Variants in TBC1D22B observed in about 807,000 individuals in gnomAD.
The protein encoded by TBC1D22B is TBC1 domain family member 22B.
TBC1D22B carries 32 observed loss-of-function variants against 69.1 expected under a neutral mutation model. That is an observed-to-expected ratio of 0.46 (90% CI 0.35 to 0.62). TBC1D22B has a LOEUF of 0.62. Ranked by LOEUF, TBC1D22B falls within the 20% of genes least tolerant of loss-of-function variation. The pLI is 0.00. For missense variants in TBC1D22B, 462 were observed against 630.9 expected, an observed-to-expected ratio of 0.73 and a Z score of 2.87; for synonymous variants, 206 against 229.8, an observed-to-expected ratio of 0.90 and a Z score of 0.94.
intron 12 of TBC1D22B, among the ~76,000 whole-genome samples, chr6:37,318,709 G>A (rs1236072149): frequency 1.3e-5 from 2 of 152,124 alleles, no homozygotes; most frequent in Non-Finnish European, 2.9e-5. Flanking sequence ...CTGGGTGGGG[G>A]TGCTTCAGAG....
At chr6:37,300,685 T>TA (rs555778617) in intron 8 of TBC1D22B, among the ~76,000 whole-genome samples, 1 of 152,052 alleles carries the variant, frequency 6.6e-6, no homozygotes, top group Non-Finnish European at 1.5e-5. Flanking sequence ...AGTGGCTTTT[T>TA]AAAAAAAATT....
chr6:37,264,214 A>C (rs2113971657), intron 1 of TBC1D22B, among the ~76,000 whole-genome samples: 1 of 152,350 alleles, frequency 6.6e-6, no homozygotes, highest in South Asian at 2.1e-4. Flanking sequence ...ACATACATAG[A>C]AAATAAAAAT....
At chr6:37,294,904 T>C (rs1300739472) in intron 8 of TBC1D22B, among the ~76,000 whole-genome samples, 1 of 152,236 alleles carries the variant, frequency 6.6e-6, no homozygotes, top group African/African-American at 2.4e-5. Flanking sequence ...TTTCAACTTA[T>C]GAGTCTTATT....
chr6:37,331,375 C>T lies in TBC1D22B; in HGVS notation c.*203C>T, dbSNP rs940632353. The T allele has an allele frequency of 9.2e-6, 5 of 541,240 alleles. No homozygotes were observed. The highest frequency in any genetic ancestry group is 3.2e-5 in the Admixed American group (1 of 31,660). The allele number at this position is 541,240 out of a possible 1,614,324, so 33.5% of individuals were successfully genotyped here. ...TTGGACCACTGTCAGTATTCCATGC[C>T]GCGTGGATGGGCCCAGTTCTGGGAG... is the stretch of plus-strand genomic sequence containing the variant. On this transcript the variant is annotated 3_prime_UTR_variant, in exon 13 of 13. Transcript: ENST00000373491.
At chr6:37,314,155 G>T (rs753398703) in intron 10 of TBC1D22B, among the ~76,000 whole-genome samples, 2 of 152,042 alleles carry the variant, frequency 1.3e-5, no homozygotes, top group African/African-American at 2.4e-5. Context: ...TCTTCAGTAC[G>T]CCCGTTCCCC....
chr6:37,319,083 CTATT>C (rs958364046), intron 12 of TBC1D22B, among the ~76,000 whole-genome samples: 5 of 152,228 alleles, frequency 3.3e-5, no homozygotes, highest in Middle Eastern at 3.4e-3. Flanking sequence ...GAACAGAAGA[CTATT>C]TAGTAGATAG....
At chr6:37,319,533 T>C (rs1027049651) in intron 12 of TBC1D22B, among the ~76,000 whole-genome samples, 1 of 152,214 alleles carries the variant, frequency 6.6e-6, no homozygotes, top group Admixed American at 6.5e-5. Context: ...CCTAGAGATA[T>C]TCTTTACTGG....
At chr6:37,296,411 A>G (rs1412786311) in intron 8 of TBC1D22B, among the ~76,000 whole-genome samples, 1 of 152,214 alleles carries the variant, frequency 6.6e-6, no homozygotes, top group Non-Finnish European at 1.5e-5. Flanking sequence ...GTGCAGTGGC[A>G]TGATCATGGC....
intron 8 of TBC1D22B, among the ~76,000 whole-genome samples, chr6:37,293,660 C>G (rs537410583): frequency 2.0e-5 from 3 of 152,164 alleles, no homozygotes; most frequent in Non-Finnish European, 4.4e-5. Flanking sequence ...TTACATGTCT[C>G]TCACTTTAAA....
intron 8 of TBC1D22B, among the ~76,000 whole-genome samples, chr6:37,312,480 G>A (rs900714847): frequency 2.6e-5 from 4 of 152,126 alleles, no homozygotes; most frequent in African/African-American, 7.2e-5. Context: ...AAACTGTGGG[G>A]GCTTTCTGAT....
At chr6:37,329,009 G>A (rs1193201741) in intron 12 of TBC1D22B, among the ~76,000 whole-genome samples, 2 of 151,680 alleles carry the variant, frequency 1.3e-5, no homozygotes. Flanking sequence ...TTACAGGCAT[G>A]AGCCACTGCG....
intron 8 of TBC1D22B, among the ~76,000 whole-genome samples, chr6:37,293,356 C>T (rs1452338017): frequency 6.6e-6 from 1 of 152,140 alleles, no homozygotes; most frequent in Non-Finnish European, 1.5e-5. Flanking sequence ...GGATTACAGG[C>T]ATCAGCCACC....
At chr6:37,320,364 C>T (rs1376624195) in intron 12 of TBC1D22B, among the ~76,000 whole-genome samples, 1 of 152,034 alleles carries the variant, frequency 6.6e-6, no homozygotes. Flanking sequence ...ATAAATGGGG[C>T]AATAGTACCT....
chr6:37,296,416 C>T (rs1459070836), intron 8 of TBC1D22B, among the ~76,000 whole-genome samples: 2 of 152,214 alleles, frequency 1.3e-5, no homozygotes, highest in African/African-American at 2.4e-5. Context: ...GTGGCATGAT[C>T]ATGGCTCATT....
At chr6:37,319,606 G>C (rs1266807342) in intron 12 of TBC1D22B, among the ~76,000 whole-genome samples, 3 of 152,194 alleles carry the variant, frequency 2.0e-5, no homozygotes, top group Non-Finnish European at 4.4e-5. Context: ...GAACAGCATT[G>C]GAGGCTATTG....
At chr6:37,304,730 C>G (rs1017874929) in intron 8 of TBC1D22B, among the ~76,000 whole-genome samples, 3 of 152,026 alleles carry the variant, frequency 2.0e-5, no homozygotes, top group African/African-American at 7.2e-5. Context: ...AAACATGTGT[C>G]AAGACTCATA....
rs1202124214 is a variant in TBC1D22B, at chr6:37,313,996, C to G, written c.1165+105C>G. On this transcript the variant is annotated intron_variant, in intron 10 of 12. Transcript: ENST00000373491. The stretch of plus-strand genomic sequence containing the variant: ...CCTCAGCTGTCTTCCTAGCCATGAC[C>G]CTTTCCAGCGCACTGAGTGCTGCTG... 7.6e-6 allele frequency: 8 copies of G among 1,046,178 alleles called. No individual in the cohort carries two copies. The Admixed American group carries it at 1.5e-4, about 19-fold the overall frequency. 64.8% of individuals were successfully genotyped at this position (1,046,178 alleles called of 1,614,324 possible).
chr6:37,290,240 A>G (rs1028094740), intron 7 of TBC1D22B, among the ~76,000 whole-genome samples: 1 of 152,080 alleles, frequency 6.6e-6, no homozygotes. Flanking sequence ...CCAAGTCCAC[A>G]TGCTTTCTAA....
intron 8 of TBC1D22B, 52 bp downstream of exon 8, chr6:37,291,409 C>T (rs986304039): frequency 2.2e-5 from 29 of 1,307,180 alleles, no homozygotes; most frequent in African/African-American, 4.5e-5. Flanking sequence ...TCTTATCTGC[C>T]GTCTGTCTGT....
Sources: allele counts gnomAD v4.1 joint callset (sites outside exome capture counted in the v4.1 genomes callset), GRCh38; gene constraint gnomAD v4.1.1; transcripts MANE v1.5; gene names NCBI Gene and HGNC (gene_info 2026-07-23, HGNC 2026-07-21).